Variants in BCR observed in about 807,000 individuals in gnomAD.
BCR encodes breakpoint cluster region protein.
BCR carries 58 observed loss-of-function variants against 138.6 expected under a neutral mutation model. The ratio of observed to expected loss-of-function variants is 0.42; its 90% confidence interval spans 0.34 to 0.52. The LOEUF (loss-of-function observed/expected upper bound fraction) is 0.52. BCR is among the 20% of genes least tolerant of loss of function. The pLI is 0.06. For synonymous variants in BCR, 786 were observed against 730.1 expected (o/e 1.08, Z -1.23); for missense variants, 1,599 against 1,727.2 (o/e 0.93, Z 1.32).
At chr22:23,303,482 C>T (rs1435407552) in intron 16 of BCR, among the ~76,000 whole-genome samples, 2 of 152,252 alleles carry the variant, frequency 1.3e-5, no homozygotes, top group South Asian at 2.1e-4. Flanking sequence ...GGGGGCATTC[C>T]GAGATGAATG....
chr22:23,263,733 CTG>C lies in BCR; in HGVS notation c.1752+2198_1752+2199del, dbSNP rs1486409170. On this transcript the variant is annotated intron_variant, in intron 4 of 22. Coordinates refer to ENST00000305877, the MANE Select transcript of BCR (RefSeq NM_004327.4). ...ACTGGGCTCATGAACAGGAGGTGAA[CTG>C]TGTGGATTGCAAAGGGGGCATCATA... The C allele has an allele frequency of 8.4e-6, 12 of 1,427,470 alleles. No homozygotes were observed. In the African/African-American group the frequency reaches 1.4e-4, roughly 17 times the overall value. The allele number at this position is 1,427,470 out of a possible 1,614,324, so 88.4% of individuals were successfully genotyped here.
intron 2 of BCR, among the ~76,000 whole-genome samples, chr22:23,257,370 G>A (rs778834959): frequency 2.0e-5 from 3 of 152,212 alleles, no homozygotes; most frequent in Non-Finnish European, 4.4e-5. Flanking sequence ...CAAACCATGT[G>A]GACAGAACGA....
chr22:23,214,852 T>C (rs1190009140), intron 1 of BCR, among the ~76,000 whole-genome samples: 1 of 152,234 alleles, frequency 6.6e-6, no homozygotes, highest in Non-Finnish European at 1.5e-5. Flanking sequence ...CTTCAGCCAT[T>C]TTTAAGCATA....
At chr22:23,256,526 C>T (rs566238384) in intron 2 of BCR, among the ~76,000 whole-genome samples, 33 of 152,246 alleles carry the variant, frequency 2.2e-4, no homozygotes, top group African/African-American at 7.2e-4. Context: ...CCGGCTGGGC[C>T]GCAGGACAAT....
chr22:23,263,931 C>A, intron 4 of BCR: 1 of 930,550 alleles, frequency 1.1e-6, no homozygotes, highest in Non-Finnish European at 1.8e-6. Flanking sequence ...GCACTTCTCA[C>A]CCCTGAAAAT....
Position 23,181,804 on chromosome 22 carries a change from A to G in BCR, c.844A>G (p.Ile282Val), listed in dbSNP as rs1448415030. The change falls in exon 1 of 23, where the codon ATC becomes GTC. Residue 282 changes from isoleucine (I) to valine (V), a missense_variant. Transcript: ENST00000305877. ...CCTGGAGTACCAGCCCTACCAGAGCATCTACGTCGGGGGCATGATGGAAGG... is the reference window on the plus strand; with the variant it reads ...CCTGGAGTACCAGCCCTACCAGAGCGTCTACGTCGGGGGCATGATGGAAGG... ...PPLEYQPYQS[I>V]YVGGMMEGEG... 1 of 1,610,084 alleles carries G rather than the reference A, an allele frequency of 6.2e-7. No homozygotes were observed. Among genetic ancestry groups the G allele is most frequent in the South Asian group, 1.1e-5 (1 of 91,084 alleles).
intron 14 of BCR, among the ~76,000 whole-genome samples, chr22:23,291,532 C>G (rs1457142609): frequency 6.6e-6 from 1 of 152,064 alleles, no homozygotes; most frequent in Non-Finnish European, 1.5e-5. Flanking sequence ...TCCCTGCATC[C>G]CTGCATCTCC....
intron 1 of BCR, among the ~76,000 whole-genome samples, chr22:23,232,222 T>G (rs1351038983): frequency 6.6e-6 from 1 of 152,252 alleles, no homozygotes; most frequent in Admixed American, 6.5e-5. Flanking sequence ...CAGGCACTGT[T>G]CTGGGTGCTG....
chr22:23,191,898 C>T (rs1434100842), intron 1 of BCR, among the ~76,000 whole-genome samples: 1 of 152,164 alleles, frequency 6.6e-6, no homozygotes, highest in Non-Finnish European at 1.5e-5. Flanking sequence ...GTTCTGTTTC[C>T]TTCTTTGCTG....
At chr22:23,280,183 T>G (rs1255791373) in intron 8 of BCR, among the ~76,000 whole-genome samples, 4 of 152,198 alleles carry the variant, frequency 2.6e-5, no homozygotes, top group Admixed American at 2.6e-4. Flanking sequence ...ACAGTATGCT[T>G]CTTCCAGACT....
rs2074011067 is a variant in BCR, at chr22:23,311,810, A to G, written c.3296A>G (p.Gln1099Arg). Reference protein sequence around the residue: ...YRVSGVATDIQALKAAFDVNN... With the variant: ...YRVSGVATDIRALKAAFDVNN... Reference sequence around the variant, plus strand: ...GTGTCCGGTGTGGCCACGGACATCCAGGCACTGAAGGCAGCCTTCGACGTC... The same window carrying G: ...GTGTCCGGTGTGGCCACGGACATCCGGGCACTGAAGGCAGCCTTCGACGTC... The change falls in exon 19 of 23, where the codon CAG (glutamine) becomes CGG (arginine). Residue 1099 changes from glutamine (Q) to arginine (R), a missense_variant. By Grantham distance (43) the Gln-to-Arg change is conservative (BLOSUM62 1). Transcript: ENST00000305877. The G allele has an allele frequency of 6.2e-7, 1 of 1,611,778 alleles. No individual in the cohort carries two copies. The highest frequency in any genetic ancestry group is 8.5e-7 in the Non-Finnish European group (1 of 1,179,866).
In BCR at chr22:23,285,029, C is replaced by T; in HGVS notation, c.2238-4C>T. On this transcript the variant is annotated splice_polypyrimidine_tract_variant and splice_region_variant and intron_variant, in intron 9 of 22. Coordinates refer to ENST00000305877, the MANE Select transcript of BCR (RefSeq NM_004327.4). ...TGTGAACGTTCTTCTCTCCCCATCC[C>T]CAGCAAAACGCAGCAGTATGACTGC... 6.2e-7 allele frequency: 1 copy of T among 1,611,224 alleles called. No individual in the cohort carries two copies. Among genetic ancestry groups the T allele is most frequent in the Non-Finnish European group, 8.5e-7 (1 of 1,177,810 alleles).
chr22:23,219,405 A>G (rs1444570879), intron 1 of BCR, among the ~76,000 whole-genome samples: 1 of 152,116 alleles, frequency 6.6e-6, no homozygotes, highest in Admixed American at 6.5e-5. Context: ...AGTCATCCCT[A>G]TGTGGAACCC....
At position 23,181,571 on chromosome 22, in the gene BCR, G is replaced by A. The variant is rs1384545877; in HGVS notation, c.611G>A (p.Gly204Asp). Residue 204 changes from glycine (G) to aspartate (D), a missense_variant, in exon 1 of 23, where the codon GGC (glycine) becomes GAC (aspartate). By Grantham distance (94) the Gly-to-Asp change is moderately conservative (BLOSUM62 -1). Transcript: ENST00000305877. ...KEVSDRISSL[G>D]SQAMQMERKK... is the part of the protein sequence containing the mutation. ...GTGTCGGACCGCATCAGCTCCCTGG[G>A]CAGCCAGGCCATGCAGATGGAGCGC... is the stretch of plus-strand genomic sequence containing the variant. 1.2e-6 allele frequency: 2 copies of A among 1,612,848 alleles called. No individual in the cohort carries two copies. Among genetic ancestry groups the A allele is most frequent in the Non-Finnish European group, 1.7e-6 (2 of 1,180,012 alleles).
At chr22:23,309,886 C>T in intron 17 of BCR, 1 of 320,272 alleles carries the variant, frequency 3.1e-6, no homozygotes, top group Non-Finnish European at 5.8e-6. Context: ...ATTTGAGATT[C>T]TTGGCTTTTT....
chr22:23,278,460 C>G lies in BCR; in HGVS notation c.2115+4686C>G, dbSNP rs532044777. Reference sequence around the variant, plus strand: ...TTGGAGAACAGGCTGGGCATGGTGGCTCACACCTGTAATCCCAGCACTTTG... The same window carrying G: ...TTGGAGAACAGGCTGGGCATGGTGGGTCACACCTGTAATCCCAGCACTTTG... On this transcript the variant is annotated intron_variant, in intron 8 of 22. Transcript: ENST00000305877. Among the ~76,000 whole-genome samples, 6 of 152,280 alleles carry G rather than the reference C, an allele frequency of 3.9e-5. No individual in the cohort carries two copies. In the South Asian group the frequency reaches 1.2e-3, roughly 32 times the overall value.
chr22:23,192,420 G>C (rs759948952), intron 1 of BCR, among the ~76,000 whole-genome samples: 1 of 152,222 alleles, frequency 6.6e-6, no homozygotes, highest in Admixed American at 6.5e-5. Flanking sequence ...CACCTGCTGT[G>C]TTGGGCACAG....
chr22:23,269,713 G>A (rs978029049), intron 5 of BCR, among the ~76,000 whole-genome samples: 1 of 152,168 alleles, frequency 6.6e-6, no homozygotes, highest in Admixed American at 6.5e-5. Flanking sequence ...CATTCAATCT[G>A]TTCTCTTTTC....
chr22:23,269,307 G>A (rs1405854192), intron 5 of BCR, among the ~76,000 whole-genome samples: 1 of 152,204 alleles, frequency 6.6e-6, no homozygotes. Flanking sequence ...GGAGGCCCTT[G>A]CCTCTTCATG....
Sources: gnomAD v4.1 joint callset for allele counts (sites outside exome capture counted in the v4.1 genomes callset) on GRCh38, gnomAD v4.1.1 for gene constraint, MANE v1.5 for transcripts, NCBI Gene and HGNC (gene_info 2026-07-23, HGNC 2026-07-21) for gene names.